TAGAP: variants seen among roughly 807,000 people sequenced by gnomAD.
TAGAP encodes T-cell activation Rho GTPase-activating protein.
TAGAP carries 16 observed loss-of-function variants against 36.0 expected under a neutral mutation model. The ratio of observed to expected loss-of-function variants is 0.44; its 90% CI spans 0.30 to 0.68. TAGAP has a LOEUF of 0.68. Ranked by LOEUF, TAGAP falls within the 30% of genes least tolerant of loss-of-function variation. The probability of loss-of-function intolerance (pLI) is 0.09; values close to 1 mark genes in which losing one functional copy is unlikely to be tolerated. For synonymous variants in TAGAP, 372 were observed against 377.4 expected (o/e 0.99, Z 0.17); for missense variants, 794 against 921.5 (o/e 0.86, Z 1.79).
chr6:159,039,017 T>A, intron 8 of TAGAP, 97 bp downstream of exon 8: 1 of 1,591,440 alleles, frequency 6.3e-7, no homozygotes, highest in Non-Finnish European at 8.6e-7. Context: ...TGATTCTGAG[T>A]CAGTTGGAGA....
intron 7 of TAGAP, among the ~76,000 whole-genome samples, chr6:159,040,487 A>C (rs1305373435): frequency 1.3e-5 from 2 of 152,152 alleles, no homozygotes; most frequent in Admixed American, 6.5e-5. Flanking sequence ...ATTTGTGAGG[A>C]TTGAAGTTCG....
Position 159,039,325 on chromosome 6 carries a change from G to A in TAGAP, c.588-16C>T, listed in dbSNP as rs756210023. On this transcript the variant is annotated splice_polypyrimidine_tract_variant and intron_variant, in intron 7 of 9. Coordinates refer to ENST00000367066, the MANE Select transcript of TAGAP (RefSeq NM_054114.5). ...ATCTGCAACCCTGGAATAAAGTGAA[G>A]GGATGTTAGTTTTCAAAAAGGCTAA... 29 of 1,606,262 alleles carry A rather than the reference G, an allele frequency of 1.8e-5. No homozygotes were observed. The African/African-American group carries it at 3.1e-4, about 17-fold the overall frequency.
In TAGAP at chr6:159,043,199, G is replaced by A. The variant is rs184220723; in HGVS notation, c.148+390C>T. Reference sequence around the variant, plus strand: ...TGAAAAAAGTTGAGAGTGAATGGTGGGTCCTTTGGGATTTGAGATCAGCAA... The same window carrying A: ...TGAAAAAAGTTGAGAGTGAATGGTGAGTCCTTTGGGATTTGAGATCAGCAA... On this transcript the variant is annotated intron_variant, in intron 4 of 9. Coordinates refer to ENST00000367066, the MANE Select transcript of TAGAP (RefSeq NM_054114.5). 570 of 173,548 alleles carry A rather than the reference G, an allele frequency of 3.3e-3. 5 individuals are homozygous for A. Among genetic ancestry groups the A allele is most frequent in the Non-Finnish European group, 4.2e-3 (335 of 79,294 alleles). The allele number at this position is 173,548 out of a possible 1,614,324, so 10.8% of individuals were successfully genotyped here.
rs140788069 is a variant in TAGAP at position 159,037,093 on chromosome 6, G to A, written c.930C>T (p.Tyr310=). ...DVSTLQNDSA[Y]DSNDPDVESN... ...ATTCCACATCAGGGTCGTTGCTGTCGTAGGCTGAGTCATTCTGCAGGGTCG... is the reference window on the plus strand; with the variant it reads ...ATTCCACATCAGGGTCGTTGCTGTCATAGGCTGAGTCATTCTGCAGGGTCG... The change falls in exon 10 of 10, where the codon TAC becomes TAT. Residue 310 remains tyrosine, a synonymous_variant. Coordinates refer to ENST00000367066, the MANE Select transcript of TAGAP (RefSeq NM_054114.5). The surrounding 1 kb of genome is among the most constrained non-coding windows in gnomAD (Gnocchi z 5.1). 85 of 1,611,526 alleles carry A rather than the reference G, an allele frequency of 5.3e-5. No homozygotes were observed. The highest frequency in any genetic ancestry group is 5.5e-5 in the South Asian group (5 of 91,076).
chr6:159,044,552 A>C (rs1292101346), intron 1 of TAGAP, among the ~76,000 whole-genome samples: 3 of 152,146 alleles, frequency 2.0e-5, no homozygotes, highest in Non-Finnish European at 4.4e-5. Flanking sequence ...TAACATGAAC[A>C]TTAACTTTTT....
intron 7 of TAGAP, 78 bp downstream of exon 7, chr6:159,040,645 G>T: frequency 8.6e-7 from 1 of 1,164,236 alleles, no homozygotes; most frequent in Non-Finnish European, 1.3e-6. Context: ...GGATCATGAA[G>T]CATTTAGAAA....
Position 159,042,145 on chromosome 6 carries a change from G to A in TAGAP, c.248C>T (p.Ala83Val), listed in dbSNP as rs767627653. Residue 83 changes from alanine to valine, a missense_variant, in exon 5 of 10, where the codon GCA becomes GTA. By Grantham distance (64) the Ala-to-Val change is moderately conservative (BLOSUM62 0). Transcript: ENST00000367066. ...FSGALETDLK[A>V]SLFDQPLSII... ...TGACAAGGGCTGATCAAATAGCGAT[G>A]CTTTCAAGTCTGTCTCCAAAGCCCC... 3.1e-6 allele frequency: 5 copies of A among 1,614,242 alleles called. No homozygotes were observed. In the Admixed American group the frequency reaches 8.3e-5, roughly 27 times the overall value.
chr6:159,036,096 C>T lies in TAGAP; in HGVS notation c.1927G>A (p.Val643Ile), dbSNP rs372170128. 23 of 1,613,716 alleles carry T rather than the reference C, an allele frequency of 1.4e-5. No individual in the cohort carries two copies. The African/African-American group carries it at 1.6e-4, about 11-fold the overall frequency. ...CTGCCCCTGTGTCTTGAGTCCTCTA[C>T]GTGGTGAGCAGGTGGAAGAGGGGGT... ...LLPPLPPAHH[V>I]EDSRHRGSKE... The change falls in exon 10 of 10, where the codon GTA (valine) becomes ATA (isoleucine). Residue 643 changes from valine to isoleucine, a missense_variant. Physicochemically the swap from Val to Ile is conservative, Grantham distance 29. Transcript: ENST00000367066. This position sits in a 1 kb window ranked among gnomAD's most constrained non-coding sequence, Gnocchi z 4.9.
At chr6:159,043,456 A>T in intron 4 of TAGAP, 133 bp downstream of exon 4, 1 of 774,944 alleles carries the variant, frequency 1.3e-6, no homozygotes, top group Non-Finnish European at 2.2e-6. Flanking sequence ...TTTAAGGGTT[A>T]ATGTTCTGCG....
At position 159,040,811 on chromosome 6, in the gene TAGAP, G is replaced by A. The variant is rs753904397; in HGVS notation, c.499C>T (p.Arg167Trp). Residue 167 changes from arginine to tryptophan, a missense_variant, in exon 7 of 10, where the codon CGG becomes TGG. By Grantham distance (101) the Arg-to-Trp change is moderately radical. Transcript: ENST00000367066. ...VFKDFLRSIP[R>W]KLLSSDLFEE... ...AAGAGGTCGCTTGAAAGTAGCTTCC[G>A]GGGGATACTTCTGAGGAAGTCCTGG... 2.5e-5 allele frequency: 40 copies of A among 1,614,026 alleles called. No homozygotes were observed. The highest frequency in any genetic ancestry group is 2.1e-4 in the South Asian group (19 of 91,066).
In TAGAP at chr6:159,037,827, G is replaced by A. The variant is rs1779599182; in HGVS notation, c.898+287C>T. On this transcript the variant is annotated intron_variant, in intron 9 of 9. Transcript: ENST00000367066. This position sits in a 1 kb window ranked among gnomAD's most constrained non-coding sequence, Gnocchi z 5.1. ...CATATCCCATGAAGTGGAAACAAAA[G>A]TTTCTCACTCCAACTCCAGAGCTAA... 6.6e-6 allele frequency among the ~76,000 whole-genome samples: 1 copy of A among 152,136 alleles called. No individual in the cohort carries two copies. Among genetic ancestry groups the A allele is most frequent in the African/African-American group, 2.4e-5 (1 of 41,422 alleles).
rs777150394 is a variant in TAGAP at position 159,037,023 on chromosome 6, C to T, written c.1000G>A (p.Val334Met). The T allele has an allele frequency of 4.3e-6, 7 of 1,613,648 alleles. No homozygotes were observed. The Admixed American group carries it at 8.3e-5, about 19-fold the overall frequency. The change falls in exon 10 of 10, where the codon GTG becomes ATG. Residue 334 changes from valine (V) to methionine (M), a missense_variant. Coordinates refer to ENST00000367066, the MANE Select transcript of TAGAP (RefSeq NM_054114.5). This position sits in a 1 kb window ranked among gnomAD's most constrained non-coding sequence, Gnocchi z 5.1. ...AAGCCAGCAGCTGTGGCCATGGGCA[C>T]CTGGGGCTGCCTGCTGGGAGAGCTG... is the stretch of plus-strand genomic sequence containing the variant. ...GISSPSRQPQ[V>M]PMATAAGLDS...
At position 159,043,595 on chromosome 6, in the gene TAGAP, G is replaced by A. The variant is rs1374702929; in HGVS notation, c.142C>T (p.Leu48Phe). ...GTATGTTTTTAAAACTCACCAATGA[G>A]CTGGCAAATACTGTCTTCACTCTCA... ...SCESEDSICQLIEVKKRKKVL... is the reference protein window; with the variant it reads ...SCESEDSICQFIEVKKRKKVL... The change falls in exon 4 of 10, where the codon CTC becomes TTC. Residue 48 changes from leucine to phenylalanine, a missense_variant. By Grantham distance (22) the Leu-to-Phe change is conservative (BLOSUM62 0). Transcript: ENST00000367066. 6.2e-7 allele frequency: 1 copy of A among 1,613,974 alleles called. No individual in the cohort carries two copies. Among genetic ancestry groups the A allele is most frequent in the East Asian group, 2.2e-5 (1 of 44,866 alleles).
chr6:159,036,486 A>G lies in TAGAP; in HGVS notation c.1537T>C (p.Phe513Leu). 1.2e-6 allele frequency: 2 copies of G among 1,614,030 alleles called. No individual in the cohort carries two copies. Among genetic ancestry groups the G allele is most frequent in the South Asian group, 2.2e-5 (2 of 91,066 alleles). Residue 513 changes from phenylalanine (F) to leucine (L), a missense_variant, in exon 10 of 10, where the codon TTT (phenylalanine) becomes CTT (leucine). Phe to Leu is a conservative substitution (Grantham distance 22, BLOSUM62 0). Coordinates refer to ENST00000367066, the MANE Select transcript of TAGAP (RefSeq NM_054114.5). This position sits in a 1 kb window ranked among gnomAD's most constrained non-coding sequence, Gnocchi z 4.9. ...EIKKHSMSFTFAPHKKVLTKN... is the reference protein window; with the variant it reads ...EIKKHSMSFTLAPHKKVLTKN... ...GTCAGCACTTTTTTGTGAGGGGCAAAGGTGAAAGACATGGAGTGCTTTTTA... is the reference window on the plus strand; with the variant it reads ...GTCAGCACTTTTTTGTGAGGGGCAAGGGTGAAAGACATGGAGTGCTTTTTA...
At chr6:159,042,052 A>G in intron 5 of TAGAP, 26 bp downstream of exon 5, 1 of 1,587,830 alleles carries the variant, frequency 6.3e-7, no homozygotes, top group South Asian at 1.1e-5. Flanking sequence ...AAACTGAAGT[A>G]GGTTTATGAG....
intron 8 of TAGAP, 36 bp from the exon 9 acceptor site, chr6:159,038,264 A>AT (rs1779616944): frequency 7.3e-6 from 6 of 825,258 alleles, no homozygotes; most frequent in Admixed American, 2.8e-5. Flanking sequence ...CAGCTTGAAG[A>AT]CTTTTTTTTT....
chr6:159,044,079 T>C, intron 2 of TAGAP, 41 bp downstream of exon 2: 1 of 1,613,796 alleles, frequency 6.2e-7, no homozygotes, highest in Non-Finnish European at 8.5e-7. Flanking sequence ...GGCCCTTGCC[T>C]GTAGGAAACG....
At position 159,035,859 on chromosome 6, in the gene TAGAP, G is replaced by A; in HGVS notation, c.2164C>T (p.Gln722Ter). The change falls in exon 10 of 10, where the codon CAA becomes TAA. Residue 722 changes from glutamine (Q) to a stop codon, truncating the protein, a stop_gained. Coordinates refer to ENST00000367066, the MANE Select transcript of TAGAP (RefSeq NM_054114.5). LOFTEE classifies it high-confidence loss of function. ...TACGATTCTTTGGCATATTGGAATT[G>A]GTCAGCCTCAAAGACCGGCTGGCTA... Reference protein sequence around the residue: ...RCSQPVFEADQFQYAKESYI With the variant: ...RCSQPVFEAD 6.2e-7 allele frequency: 1 copy of A among 1,605,942 alleles called. No individual in the cohort carries two copies. The highest frequency in any genetic ancestry group is 8.5e-7 in the Non-Finnish European group (1 of 1,173,242).
chr6:159,041,374 G>A lies in TAGAP; in HGVS notation c.457C>T (p.Leu153Phe). 6.2e-7 allele frequency: 1 copy of A among 1,614,026 alleles called. No homozygotes were observed. The highest frequency in any genetic ancestry group is 8.5e-7 in the Non-Finnish European group (1 of 1,180,028). The change falls in exon 6 of 10, where the codon CTC becomes TTC. Residue 153 changes from leucine to phenylalanine, a missense_variant. Leu to Phe is a conservative substitution (Grantham distance 22). Coordinates refer to ENST00000367066, the MANE Select transcript of TAGAP (RefSeq NM_054114.5). This position sits in a 1 kb window ranked among gnomAD's most constrained non-coding sequence, Gnocchi z 4.1. ...CTCACCTTAAAGACCACAGCGAGGA[G>A]GTGCACGGGGAGCCTCTCCAGATCC... Reference protein sequence around the residue: ...AVDLERLPVHLLAVVFKDFLR... With the variant: ...AVDLERLPVHFLAVVFKDFLR...
Sources: gnomAD v4.1 joint callset for allele counts (sites outside exome capture counted in the v4.1 genomes callset) on GRCh38, gnomAD v4.1.1 for gene constraint, Gnocchi (gnomAD v3.1) non-coding constraint, MANE v1.5 for transcripts, NCBI Gene and HGNC (gene_info 2026-07-23, HGNC 2026-07-21) for gene names.